GNAI3: variants seen among roughly 807,000 people sequenced by gnomAD.
The protein encoded by GNAI3 is G protein subunit alpha i3, also known as guanine nucleotide-binding protein G(i) subunit alpha-3.
Under a neutral mutation model 41.8 loss-of-function variants are expected in GNAI3, and 12 were observed. That is an observed-to-expected ratio of 0.29 (90% CI 0.18 to 0.47). The LOEUF (loss-of-function observed/expected upper bound fraction) is 0.47. Ranked by LOEUF, GNAI3 falls within the 20% of genes least tolerant of loss-of-function variation. GNAI3 has a pLI of 1.00. For missense variants in GNAI3, 360 were observed against 429.6 expected, an observed-to-expected ratio of 0.84 and a Z score of 1.43; for synonymous variants, 132 against 146.5, an observed-to-expected ratio of 0.90 and a Z score of 0.71.
chr1:109,567,935 A>G lies in GNAI3; in HGVS notation c.119-5802A>G, dbSNP rs1488919549. ...CTTTCTTTGGACTGGCTTTAGTCAA[A>G]TGAAAGAGAAAAAAGAGAAGGACTC... On this transcript the variant is annotated intron_variant, in intron 1 of 8. Transcript: ENST00000369851. 2.0e-5 allele frequency among the ~76,000 whole-genome samples: 3 copies of G among 152,074 alleles called. No individual in the cohort carries two copies. The East Asian group carries it at 5.8e-4, about 29-fold the overall frequency.
chr1:109,552,177 A>G, intron 1 of GNAI3, among the ~76,000 whole-genome samples: 1 of 152,016 alleles, frequency 6.6e-6, no homozygotes, highest in South Asian at 2.1e-4. Context: ...AAAAAAAAAA[A>G]TAAAGTGTTC....
chr1:109,548,709 C>CCCG lies in GNAI3; in HGVS notation c.-3_-1dup, dbSNP rs754843961. 15 of 1,599,206 alleles carry CCCG rather than the reference C, an allele frequency of 9.4e-6. No individual in the cohort carries two copies. Among genetic ancestry groups the CCCG allele is most frequent in the South Asian group, 6.6e-5 (6 of 90,370 alleles). On this transcript the variant is annotated 5_prime_UTR_variant, in exon 1 of 9. Transcript: ENST00000369851. ...GTGAGTCCGGGCCCGTGTCCCCTCTCCCGCCGCCGCCATGGGCTGCACGTT... is the reference window on the plus strand; with the variant it reads ...GTGAGTCCGGGCCCGTGTCCCCTCTCCCGCCGCCGCCGCCATGGGCTGCACGTT...
intron 5 of GNAI3, among the ~76,000 whole-genome samples, chr1:109,583,052 A>C (rs1045725187): frequency 1.3e-5 from 2 of 152,166 alleles, no homozygotes; most frequent in African/African-American, 4.8e-5. Flanking sequence ...AGTTGAATGG[A>C]ATGGAGCAAG....
rs1649188815 is a variant in GNAI3 at position 109,592,139 on chromosome 1, C to T, written c.971C>T (p.Thr324Ile). The change falls in exon 8 of 9, where the codon ACC becomes ATC. Residue 324 changes from threonine (T) to isoleucine (I), a missense_variant. Physicochemically the swap from Thr to Ile is moderately conservative, Grantham distance 89. Coordinates refer to ENST00000369851, the MANE Select transcript of GNAI3 (RefSeq NM_006496.4). Reference sequence around the variant, plus strand: ...ACCAAGGAGATCTATACTCACTTCACCTGTGCCACAGACACGAAGAATGTG... The same window carrying T: ...ACCAAGGAGATCTATACTCACTTCATCTGTGCCACAGACACGAAGAATGTG... ...KDTKEIYTHF[T>I]CATDTKNVQF... 1 of 1,611,584 alleles carries T rather than the reference C, an allele frequency of 6.2e-7. No homozygotes were observed. The highest frequency in any genetic ancestry group is 8.5e-7 in the Non-Finnish European group (1 of 1,177,700).
intron 3 of GNAI3, among the ~76,000 whole-genome samples, chr1:109,575,620 C>T (rs1487020889): frequency 6.8e-6 from 1 of 147,938 alleles, no homozygotes; most frequent in Non-Finnish European, 1.5e-5. Flanking sequence ...CAGCCTCTGC[C>T]TCCCAGGTTC....
intron 1 of GNAI3, among the ~76,000 whole-genome samples, chr1:109,557,747 C>T (rs1476041070): frequency 6.6e-6 from 1 of 152,156 alleles, no homozygotes; most frequent in Non-Finnish European, 1.5e-5. Context: ...TGCAGGCTCC[C>T]AGGATCCCAT....
In GNAI3 at chr1:109,549,012, G is replaced by C. The variant is rs918059788; in HGVS notation, c.118+174G>C. ...CTGAGGCCCCAGAGGGCGTGATGAGGGGGGTGGGGTTTTGGGGTTGCGGGA... is the reference window on the plus strand; with the variant it reads ...CTGAGGCCCCAGAGGGCGTGATGAGCGGGGTGGGGTTTTGGGGTTGCGGGA... On this transcript the variant is annotated intron_variant, in intron 1 of 8. Coordinates refer to ENST00000369851, the MANE Select transcript of GNAI3 (RefSeq NM_006496.4). 3.3e-5 allele frequency among the ~76,000 whole-genome samples: 5 copies of C among 152,240 alleles called. No homozygotes were observed. In the East Asian group the frequency reaches 7.7e-4, roughly 24 times the overall value.
Position 109,596,198 on chromosome 1 carries a change from A to G in GNAI3, c.*3876A>G, listed in dbSNP as rs1295568257. ...AGCCTTTTTCAGGCACTGGAGAACT[A>G]ACTTTAATGATGATCAAGGTCTTTA... On this transcript the variant is annotated 3_prime_UTR_variant, in exon 9 of 9. Transcript: ENST00000369851. 1 of 152,228 alleles carries G rather than the reference A, an allele frequency of 6.6e-6. No homozygotes were observed. Among genetic ancestry groups the G allele is most frequent in the Non-Finnish European group, 1.5e-5 (1 of 68,038 alleles). 9.4% of individuals were successfully genotyped at this position (152,228 alleles called of 1,614,324 possible).
intron 4 of GNAI3, among the ~76,000 whole-genome samples, chr1:109,580,240 C>T (rs1648857383): frequency 6.6e-6 from 1 of 152,124 alleles, no homozygotes; most frequent in Non-Finnish European, 1.5e-5. Context: ...CCTCGTGATC[C>T]ACCCACCTCT....
intron 3 of GNAI3, among the ~76,000 whole-genome samples, chr1:109,578,714 T>C (rs1648819550): frequency 6.6e-6 from 1 of 152,188 alleles, no homozygotes; most frequent in Admixed American, 6.5e-5. Flanking sequence ...CTGTCTGGGC[T>C]GAAGGCAAAG....
At chr1:109,571,421 T>C (rs1215382242) in intron 1 of GNAI3, among the ~76,000 whole-genome samples, 2 of 152,230 alleles carry the variant, frequency 1.3e-5, no homozygotes, top group South Asian at 4.1e-4. Flanking sequence ...TTCTGCCACT[T>C]ACTAACTGTG....
At chr1:109,589,683 A>C (rs1363669848) in intron 7 of GNAI3, among the ~76,000 whole-genome samples, 1 of 152,226 alleles carries the variant, frequency 6.6e-6, no homozygotes, top group African/African-American at 2.4e-5. Flanking sequence ...ATAATAATAG[A>C]TGGTACAACT....
chr1:109,574,067 C>G, intron 3 of GNAI3, 30 bp downstream of exon 3: 2 of 1,567,186 alleles, frequency 1.3e-6, no homozygotes, highest in South Asian at 1.2e-5. Flanking sequence ...TCTTCACTTG[C>G]TCTTATTCAG....
intron 3 of GNAI3, among the ~76,000 whole-genome samples, chr1:109,577,278 G>GTTT (rs10690094): frequency 2.4e-5 from 3 of 125,366 alleles, no homozygotes; most frequent in Admixed American, 8.0e-5. Context: ...TGTTTTTTTT[G>GTTT]TTTTTTTTTT....
At position 109,593,111 on chromosome 1, in the gene GNAI3, A is replaced by G. The variant is rs901161882; in HGVS notation, c.*789A>G. Reference sequence around the variant, plus strand: ...TAAAGTCAGCTTCTTGGATACAGACACACCCAGGGCAGCTGCCAATCAGAA... The same window carrying G: ...TAAAGTCAGCTTCTTGGATACAGACGCACCCAGGGCAGCTGCCAATCAGAA... On this transcript the variant is annotated 3_prime_UTR_variant, in exon 9 of 9. Transcript: ENST00000369851. The G allele has an allele frequency of 2.6e-5, 4 of 152,608 alleles. No homozygotes were observed. The highest frequency in any genetic ancestry group is 9.7e-5 in the African/African-American group (4 of 41,430). 9.5% of individuals were successfully genotyped at this position (152,608 alleles called of 1,614,324 possible). A position where few individuals can be genotyped will look rare whatever the true frequency, so the allele number is the denominator to read the frequency against.
At chr1:109,586,905 A>T in intron 7 of GNAI3, 23 bp downstream of exon 7, 2 of 1,521,350 alleles carry the variant, frequency 1.3e-6, no homozygotes, top group Non-Finnish European at 1.8e-6. Context: ...GAAAGATTTT[A>T]TTGGAGGTAC....
intron 7 of GNAI3, among the ~76,000 whole-genome samples, 154 bp downstream of exon 7, chr1:109,587,036 C>T (rs998668261): frequency 5.9e-5 from 9 of 151,860 alleles, no homozygotes; most frequent in African/African-American, 2.2e-4. Flanking sequence ...TTAAAAGCCC[C>T]TAAGTCAAGA....
chr1:109,563,296 G>A (rs980846067), intron 1 of GNAI3, among the ~76,000 whole-genome samples: 10 of 152,190 alleles, frequency 6.6e-5, no homozygotes, highest in African/African-American at 1.2e-4. Context: ...GGGAAGGATC[G>A]CTTGAGCCCT....
At chr1:109,591,385 GA>G in intron 7 of GNAI3, 1 of 495,504 alleles carries the variant, frequency 2.0e-6, no homozygotes, top group Non-Finnish European at 3.7e-6. Context: ...AAAACACTAT[GA>G]ATGAATGTTC....
Sources: allele counts gnomAD v4.1 joint callset (sites outside exome capture counted in the v4.1 genomes callset), GRCh38; gene constraint gnomAD v4.1.1; transcripts MANE v1.5; gene names NCBI Gene and HGNC (gene_info 2026-07-23, HGNC 2026-07-21).